The following KCNIP4 variants were observed in gnomAD, a reference collection of about 807,000 sequenced individuals.
KCNIP4 encodes Kv channel-interacting protein 4.
A neutral mutation model predicts 34.0 loss-of-function variants in KCNIP4; 12 were observed. The observed-to-expected ratio is 0.35, with a 90% CI of 0.23 to 0.57. The LOEUF (loss-of-function observed/expected upper bound fraction) is 0.57, where lower values mean the gene tolerates loss of function less well. Among genes scored for constraint, KCNIP4 ranks in the 20% least tolerant of loss-of-function variants. The pLI is 0.83. For missense variants in KCNIP4, 238 were observed against 311.7 expected (o/e 0.76, Z 1.78); for synonymous variants, 124 against 102.2 (o/e 1.21, Z -1.29).
chr4:21,861,112 G>A (rs2109350861), intron 1 of KCNIP4, among the ~76,000 whole-genome samples: 1 of 152,264 alleles, frequency 6.6e-6, no homozygotes, highest in Non-Finnish European at 1.5e-5. Context: ...TAACATCCTA[G>A]AACTTAACTC....
chr4:21,613,161 C>T (rs1005154949), intron 1 of KCNIP4, among the ~76,000 whole-genome samples: 17 of 152,138 alleles, frequency 1.1e-4, no homozygotes, highest in Admixed American at 3.9e-4. Flanking sequence ...CAATCATGCT[C>T]CCAACATGAG....
chr4:21,924,858 C>T (rs530924722), intron 1 of KCNIP4, among the ~76,000 whole-genome samples: 3 of 152,210 alleles, frequency 2.0e-5, no homozygotes, highest in African/African-American at 7.2e-5. Flanking sequence ...TCCTCCCTGG[C>T]CCCCAATTGT....
At chr4:21,252,894 A>C (rs1760818043) in intron 1 of KCNIP4, among the ~76,000 whole-genome samples, 1 of 152,090 alleles carries the variant, frequency 6.6e-6, no homozygotes, top group South Asian at 2.1e-4. Context: ...AGCACTGAGC[A>C]CATCACACTT....
chr4:21,037,278 T>C (rs9998846), intron 1 of KCNIP4, among the ~76,000 whole-genome samples: 3,764 of 152,274 alleles, frequency 0.025, 148 homozygotes, highest in African/African-American at 0.085. Flanking sequence ...ACAGTAATGT[T>C]CTGGGCCTAA....
At chr4:21,111,787 G>A (rs1749194813) in intron 1 of KCNIP4, among the ~76,000 whole-genome samples, 1 of 152,156 alleles carries the variant, frequency 6.6e-6, no homozygotes, top group Admixed American at 6.5e-5. Flanking sequence ...ACAGGGTGGA[G>A]ACAGTGCGGA....
intron 2 of KCNIP4, among the ~76,000 whole-genome samples, chr4:20,870,141 G>T (rs1360703933): frequency 1.3e-5 from 2 of 152,096 alleles, no homozygotes; most frequent in Non-Finnish European, 2.9e-5. Flanking sequence ...GAGTGATAAG[G>T]TTTGGCTGCG....
At position 21,360,569 on chromosome 4, in the gene KCNIP4, A is replaced by T. The variant is rs189984728; in HGVS notation, c.62-477860T>A. Among the ~76,000 whole-genome samples, 717 of 152,210 alleles carry T rather than the reference A, an allele frequency of 4.7e-3. 7 individuals carry two copies. Among genetic ancestry groups the T allele is most frequent in the African/African-American group, 0.017 (689 of 41,558 alleles). Reference sequence around the variant, plus strand: ...AGCCAGTGTGTCATTATCTTTTAAAAGTATGAGAATACAATGAAAATTAAT... The same window carrying T: ...AGCCAGTGTGTCATTATCTTTTAAATGTATGAGAATACAATGAAAATTAAT... On this transcript the variant is annotated intron_variant, in intron 1 of 8. Coordinates refer to ENST00000382152, the MANE Select transcript of KCNIP4 (RefSeq NM_025221.6).
chr4:20,934,595 A>T (rs76216269), intron 1 of KCNIP4, among the ~76,000 whole-genome samples: 2,020 of 152,316 alleles, frequency 0.013, 51 homozygotes, highest in African/African-American at 0.046. Context: ...TCTCTCTTTA[A>T]TCCACACACT....
chr4:21,419,866 C>T (rs906667229), intron 1 of KCNIP4, among the ~76,000 whole-genome samples: 7 of 152,000 alleles, frequency 4.6e-5, no homozygotes, highest in African/African-American at 7.2e-5. Flanking sequence ...ATTGTACTGG[C>T]GACAGCTGTT....
chr4:21,028,955 G>A (rs138010903), intron 1 of KCNIP4, among the ~76,000 whole-genome samples: 41 of 152,210 alleles, frequency 2.7e-4, no homozygotes, highest in Non-Finnish European at 5.3e-4. Context: ...TAGTAACCAG[G>A]CCTGTGCTCT....
At chr4:20,791,566 T>C (rs952801307) in intron 3 of KCNIP4, among the ~76,000 whole-genome samples, 2 of 152,084 alleles carry the variant, frequency 1.3e-5, no homozygotes, top group African/African-American at 2.4e-5. Flanking sequence ...TTTTTGCACA[T>C]GAAGAAATAT....
intron 1 of KCNIP4, among the ~76,000 whole-genome samples, chr4:21,823,137 T>TC (rs1722468636): frequency 6.6e-6 from 1 of 152,116 alleles, no homozygotes; most frequent in African/African-American, 2.4e-5. Context: ...ATTTACTATT[T>TC]CTCTCTCTCA....
chr4:21,813,061 T>G (rs924143540), intron 1 of KCNIP4, among the ~76,000 whole-genome samples: 6 of 152,212 alleles, frequency 3.9e-5, no homozygotes, highest in African/African-American at 1.4e-4. Context: ...CTTCTAACTT[T>G]TCCAGATGTT....
At chr4:21,365,495 A>C (rs1719660255) in intron 1 of KCNIP4, among the ~76,000 whole-genome samples, 1 of 104,536 alleles carries the variant, frequency 9.6e-6, no homozygotes, top group African/African-American at 4.1e-5. Context: ...ATAAATAAAT[A>C]AATAAATAAA....
At chr4:20,790,512 A>C (rs1005688654) in intron 3 of KCNIP4, among the ~76,000 whole-genome samples, 3 of 152,118 alleles carry the variant, frequency 2.0e-5, no homozygotes. Flanking sequence ...AGTTGTACAA[A>C]AATATTTTCT....
chr4:21,429,460 T>C (rs564493090), intron 1 of KCNIP4, among the ~76,000 whole-genome samples: 2 of 151,628 alleles, frequency 1.3e-5, no homozygotes, highest in Admixed American at 1.3e-4. Context: ...TAGTAGGTTA[T>C]TGTGTAGACA....
At chr4:21,321,225 C>A (rs1210905696) in intron 1 of KCNIP4, among the ~76,000 whole-genome samples, 1 of 152,136 alleles carries the variant, frequency 6.6e-6, no homozygotes, top group Non-Finnish European at 1.5e-5. Context: ...ATGCAGCCAG[C>A]AAGGTTTCAG....
At chr4:21,912,501 A>T (rs1228302523) in intron 1 of KCNIP4, among the ~76,000 whole-genome samples, 1 of 152,194 alleles carries the variant, frequency 6.6e-6, no homozygotes, top group Non-Finnish European at 1.5e-5. Context: ...CAATTTTAAA[A>T]GTCAAATCGA....
intron 1 of KCNIP4, among the ~76,000 whole-genome samples, chr4:21,138,520 C>A (rs6856400): frequency 0.35 from 51,720 of 147,388 alleles, 9,046 homozygotes; most frequent in African/African-American, 0.42. Context: ...GCACTTCTTT[C>A]TTTTTCTTCT....
Sources: allele counts gnomAD v4.1 joint callset (sites outside exome capture counted in the v4.1 genomes callset), GRCh38; gene constraint gnomAD v4.1.1; transcripts MANE v1.5; gene names NCBI Gene and HGNC (gene_info 2026-07-23, HGNC 2026-07-21).